The following NLRP14 variants were observed in gnomAD, a reference collection of about 807,000 sequenced individuals.
NLRP14 encodes NLR family pyrin domain containing 14.
NLRP14 carries 105 observed loss-of-function variants against 94.7 expected under a neutral mutation model. The observed-to-expected ratio is 1.11, with a 90% CI of 0.95 to 1.30. NLRP14 has a LOEUF of 1.30. Ranked by LOEUF, NLRP14 falls within the 50% of genes most tolerant of loss-of-function variation. The probability of loss-of-function intolerance (pLI) is 0.00; values close to 1 mark genes in which losing one functional copy is unlikely to be tolerated. For synonymous variants in NLRP14, 508 were observed against 459.9 expected (o/e 1.10, Z -1.34); for missense variants, 1,362 against 1,254.1 (o/e 1.09, Z -1.30).
chr11:7,090,467 T>A, the NLRP14 span: 2 of 907,386 alleles, frequency 2.2e-6, no homozygotes, highest in Non-Finnish European at 3.4e-6. Context: ...AGAAAAAACT[T>A]AAAATTCGTT....
intron 1 of NLRP14, among the ~76,000 whole-genome samples, chr11:7,022,284 A>G (rs1003465438): frequency 6.6e-6 from 1 of 152,162 alleles, no homozygotes; most frequent in Admixed American, 6.5e-5. Context: ...GGGTCCTGGG[A>G]GCAGTCACCA....
At chr11:7,079,019 A>G in the NLRP14 span, among the ~76,000 whole-genome samples, 1 of 152,188 alleles carries the variant, frequency 6.6e-6, no homozygotes, top group Non-Finnish European at 1.5e-5. Flanking sequence ...CTAGTTGGAA[A>G]GAGTCTCATA....
the NLRP14 span, chr11:7,090,072 G>C: frequency 3.1e-6 from 5 of 1,612,256 alleles, no homozygotes; most frequent in South Asian, 1.1e-5. Flanking sequence ...CTCACCCGAT[G>C]CCTACAGCGG....
At chr11:7,033,516 T>A (rs1013684949) in intron 1 of NLRP14, among the ~76,000 whole-genome samples, 5 of 152,224 alleles carry the variant, frequency 3.3e-5, no homozygotes, top group Non-Finnish European at 7.3e-5. Context: ...CATTTTTCTA[T>A]TCCTGAATAT....
At chr11:7,071,025 G>C (rs181209050) in intron 11 of NLRP14, 148 bp from the exon 12 acceptor site, 27 of 784,482 alleles carry the variant, frequency 3.4e-5, no homozygotes, top group Non-Finnish European at 5.7e-5. Flanking sequence ...CTCTCAGTTC[G>C]CTTCCCCACT....
chr11:7,027,782 A>G (rs1163653868), intron 1 of NLRP14, among the ~76,000 whole-genome samples: 3 of 152,220 alleles, frequency 2.0e-5, no homozygotes, highest in Non-Finnish European at 1.5e-5. Flanking sequence ...GCTAAATTCA[A>G]TGGTCAGTTT....
chr11:7,077,673 C>T, the NLRP14 span, among the ~76,000 whole-genome samples: 1 of 152,226 alleles, frequency 6.6e-6, no homozygotes, highest in African/African-American at 2.4e-5. Flanking sequence ...AGGTGAAAGG[C>T]ACGTCTCACG....
chr11:7,045,727 CAT>C (rs1469216813), intron 4 of NLRP14, among the ~76,000 whole-genome samples: 1 of 151,640 alleles, frequency 6.6e-6, no homozygotes, highest in Non-Finnish European at 1.5e-5. Flanking sequence ...TAGACTTTTA[CAT>C]GTTTTGTATA....
intron 4 of NLRP14, among the ~76,000 whole-genome samples, chr11:7,044,279 G>A (rs1852318506): frequency 6.6e-6 from 1 of 152,152 alleles, no homozygotes; most frequent in Non-Finnish European, 1.5e-5. Flanking sequence ...CAGGGGGAAT[G>A]AGCACTTCAG....
intron 8 of NLRP14, 72 bp from the exon 9 acceptor site, chr11:7,059,822 T>C: frequency 1.5e-6 from 2 of 1,306,474 alleles, no homozygotes; most frequent in Non-Finnish European, 2.2e-6. Flanking sequence ...AATCATGAAA[T>C]CTCTTCAGAG....
the NLRP14 span, chr11:7,089,703 C>G: frequency 1.3e-6 from 2 of 1,521,790 alleles, no homozygotes; most frequent in Non-Finnish European, 1.8e-6. Context: ...AGGCCCACCG[C>G]GCCGGGAGCC....
At chr11:7,089,768 C>A in the NLRP14 span, 5 of 1,580,874 alleles carry the variant, frequency 3.2e-6, no homozygotes, top group Middle Eastern at 1.6e-4. Flanking sequence ...GCTACTCGTC[C>A]AGAGACGGCT....
chr11:7,057,865 G>C lies in NLRP14; in HGVS notation c.2462+18G>C, dbSNP rs1331019947. 6.2e-7 allele frequency: 1 copy of C among 1,604,902 alleles called. No homozygotes were observed. The highest frequency in any genetic ancestry group is 8.5e-7 in the Non-Finnish European group (1 of 1,172,038). On this transcript the variant is annotated intron_variant, in intron 7 of 11. Coordinates refer to ENST00000299481, the MANE Select transcript of NLRP14 (RefSeq NM_176822.4). ...AGACTGTCGTGAGTGTTTCTGTTTT[G>C]TTTTCTGTAGAGTCATTTTGCTTGG... is the stretch of plus-strand genomic sequence containing the variant.
At chr11:7,055,314 C>A (rs576523954) in intron 6 of NLRP14, among the ~76,000 whole-genome samples, 1 of 152,120 alleles carries the variant, frequency 6.6e-6, no homozygotes, top group East Asian at 1.9e-4. Context: ...TTATATTGAT[C>A]CTTAGAAACA....
At chr11:7,044,121 G>C in intron 4 of NLRP14, 137 bp downstream of exon 4, 1 of 874,110 alleles carries the variant, frequency 1.1e-6, no homozygotes, top group Non-Finnish European at 1.8e-6. Flanking sequence ...AGGCAGGGAG[G>C]CTAAGCATTT....
chr11:7,075,514 T>C (rs549835498), downstream of NLRP14, among the ~76,000 whole-genome samples: 11 of 152,338 alleles, frequency 7.2e-5, no homozygotes, highest in South Asian at 2.3e-3. Context: ...GGAATGTTTA[T>C]CTTAAACTGA....
At chr11:7,055,360 T>A (rs1307368740) in intron 6 of NLRP14, among the ~76,000 whole-genome samples, 1 of 151,974 alleles carries the variant, frequency 6.6e-6, no homozygotes, top group Non-Finnish European at 1.5e-5. Context: ...CGGCAACAAC[T>A]CTCCTGTTAT....
At chr11:7,082,491 C>T in the NLRP14 span, among the ~76,000 whole-genome samples, 6 of 152,288 alleles carry the variant, frequency 3.9e-5, no homozygotes, top group East Asian at 9.6e-4. Flanking sequence ...TTTGATCCTG[C>T]CTAGTTCCAA....
At chr11:7,079,732 C>T in the NLRP14 span, among the ~76,000 whole-genome samples, 1 of 152,176 alleles carries the variant, frequency 6.6e-6, no homozygotes, top group African/African-American at 2.4e-5. Context: ...GGGTGCATCT[C>T]ACGTATGGAG....
Sources: gnomAD v4.1 joint callset for allele counts (sites outside exome capture counted in the v4.1 genomes callset) on GRCh38, gnomAD v4.1.1 for gene constraint, MANE v1.5 for transcripts, NCBI Gene and HGNC (gene_info 2026-07-23, HGNC 2026-07-21) for gene names.